Variants in TTLL5 observed in about 807,000 individuals in gnomAD.
The protein encoded by TTLL5 is tubulin polyglutamylase TTLL5.
A neutral mutation model predicts 168.4 loss-of-function variants in TTLL5; 132 were observed. The observed-to-expected ratio is 0.78, with a 90% CI of 0.68 to 0.91. TTLL5 has a LOEUF of 0.91. TTLL5 is among the 40% of genes least tolerant of loss of function. The pLI is 0.00. For synonymous variants in TTLL5, 546 were observed against 558.6 expected (o/e 0.98, Z 0.32); for missense variants, 1,545 against 1,581.5 (o/e 0.98, Z 0.39).
In TTLL5 at chr14:75,954,748, C is replaced by A. The variant is rs945971273; in HGVS notation, c.*302C>A. ...TCTTTTACCTTCCCTTTGCCCCATG[C>A]CCCCAAACTGCTTAGGTCTTCTCTG... On this transcript the variant is annotated 3_prime_UTR_variant, in exon 32 of 32. Transcript: ENST00000298832. 2 of 431,998 alleles carry A rather than the reference C, an allele frequency of 4.6e-6. No individual in the cohort carries two copies. The highest frequency in any genetic ancestry group is 7.1e-5 in the Admixed American group (2 of 28,034). 26.8% of individuals were successfully genotyped at this position (431,998 alleles called of 1,614,324 possible). A position where few individuals can be genotyped will look rare whatever the true frequency, so the allele number is the denominator to read the frequency against.
chr14:75,947,080 T>G (rs1238496441), intron 31 of TTLL5, among the ~76,000 whole-genome samples: 1 of 152,018 alleles, frequency 6.6e-6, no homozygotes, highest in Non-Finnish European at 1.5e-5. Context: ...GTCTTCTGAG[T>G]GTAGTGGTAG....
intron 5 of TTLL5, chr14:75,684,717 G>T (rs1884904546): frequency 6.6e-6 from 1 of 152,206 alleles, no homozygotes; most frequent in South Asian, 2.1e-4. Context: ...TTGCTGTACA[G>T]AAGGTATGAT....
At chr14:75,925,976 T>C (rs1047854811) in intron 31 of TTLL5, among the ~76,000 whole-genome samples, 3 of 150,782 alleles carry the variant, frequency 2.0e-5, no homozygotes, top group Non-Finnish European at 2.9e-5. Context: ...GGCAGGGAGG[T>C]TGCAGTGAGC....
At chr14:75,729,293 G>A (rs574185526) in intron 12 of TTLL5, among the ~76,000 whole-genome samples, 1 of 152,112 alleles carries the variant, frequency 6.6e-6, no homozygotes. Context: ...AGGAAAGTTG[G>A]TGTATCTCAT....
At chr14:75,824,531 TAGAA>T (rs1895012289) in intron 28 of TTLL5, among the ~76,000 whole-genome samples, 1 of 151,528 alleles carries the variant, frequency 6.6e-6, no homozygotes, top group Non-Finnish European at 1.5e-5. Context: ...GTCAAAATCA[TAGAA>T]ACAGAAAGTA....
chr14:75,929,357 T>C (rs1201660836), intron 31 of TTLL5, among the ~76,000 whole-genome samples: 1 of 152,038 alleles, frequency 6.6e-6, no homozygotes, highest in Non-Finnish European at 1.5e-5. Flanking sequence ...GTCAAATAAG[T>C]TTGACAAATG....
chr14:75,740,640 C>T (rs938215266), intron 15 of TTLL5, among the ~76,000 whole-genome samples: 5 of 152,118 alleles, frequency 3.3e-5, no homozygotes, highest in African/African-American at 9.7e-5. Flanking sequence ...TCAAAGTATA[C>T]CCTGATTATC....
intron 27 of TTLL5, among the ~76,000 whole-genome samples, chr14:75,808,271 A>G (rs1428769022): frequency 6.6e-6 from 1 of 152,218 alleles, no homozygotes; most frequent in African/African-American, 2.4e-5. Context: ...AAGAGAAGAT[A>G]TGCCAAGAGA....
intron 15 of TTLL5, among the ~76,000 whole-genome samples, chr14:75,744,141 CA>C (rs954045484): frequency 3.3e-5 from 5 of 152,182 alleles, no homozygotes; most frequent in African/African-American, 1.2e-4. Flanking sequence ...TACCTCGTGA[CA>C]ATGGGGCTGC....
Position 75,745,144 on chromosome 14 carries a change from G to T in TTLL5, c.1331G>T (p.Gly444Val). The T allele has an allele frequency of 6.2e-7, 1 of 1,613,962 alleles. No homozygotes were observed. Among genetic ancestry groups the T allele is most frequent in the South Asian group, 1.1e-5 (1 of 91,076 alleles). ...ASDAEMKNLVGSAREKGPGKL... is the reference protein window; with the variant it reads ...ASDAEMKNLVVSAREKGPGKL... ...GATGCGGAAATGAAAAACCTCGTGG[G>T]CTCAGCCCGGGAGAAAGGGCCAGGG... The change falls in exon 16 of 32, where the codon GGC becomes GTC. Residue 444 changes from glycine (G) to valine (V), a missense_variant. By Grantham distance (109) the Gly-to-Val change is moderately radical. Coordinates refer to ENST00000298832, the MANE Select transcript of TTLL5 (RefSeq NM_015072.5).
intron 12 of TTLL5, among the ~76,000 whole-genome samples, chr14:75,721,952 A>C (rs1029886153): frequency 6.6e-6 from 1 of 152,210 alleles, no homozygotes; most frequent in African/African-American, 2.4e-5. Context: ...TTTAAAATAC[A>C]TATCTGATCA....
At chr14:75,781,359 C>G (rs1892038877) in intron 24 of TTLL5, among the ~76,000 whole-genome samples, 1 of 152,148 alleles carries the variant, frequency 6.6e-6, no homozygotes, top group Non-Finnish European at 1.5e-5. Context: ...AGTATAGTAT[C>G]TGGAGTCATT....
Position 75,863,763 on chromosome 14 carries a change from C to A in TTLL5, c.3423C>A (p.Pro1141=). ...TGVVPQHKYH[P]TAGSYQLQFA... is the part of the protein sequence containing the mutation. ...TGGTCCCCCAGCACAAGTATCACCC[C>A]ACAGCAGGCAGCTATCAGCTTCAAT... Residue 1141 remains proline, a synonymous_variant, in exon 29 of 32, where the codon CCC becomes CCA. Transcript: ENST00000298832. 1 of 1,613,738 alleles carries A rather than the reference C, an allele frequency of 6.2e-7. No homozygotes were observed. Among genetic ancestry groups the A allele is most frequent in the Non-Finnish European group, 8.5e-7 (1 of 1,179,906 alleles).
At chr14:75,695,885 CT>C (rs1885815493) in intron 6 of TTLL5, among the ~76,000 whole-genome samples, 1 of 138,832 alleles carries the variant, frequency 7.2e-6, no homozygotes, top group South Asian at 2.5e-4. Context: ...CTTCCCTCCC[CT>C]CTCCTTCCTT....
intron 7 of TTLL5, among the ~76,000 whole-genome samples, chr14:75,700,197 C>CT (rs1205541157): frequency 1.3e-5 from 2 of 152,076 alleles, no homozygotes; most frequent in Non-Finnish European, 2.9e-5. Flanking sequence ...CATGAGAGGG[C>CT]CCCCGCTACC....
At chr14:75,948,288 C>T (rs958223882) in intron 31 of TTLL5, among the ~76,000 whole-genome samples, 1 of 152,078 alleles carries the variant, frequency 6.6e-6, no homozygotes, top group Non-Finnish European at 1.5e-5. Flanking sequence ...AGTTCGAGAC[C>T]AGCCTGGCCA....
At chr14:75,842,022 A>T (rs1896287902) in intron 28 of TTLL5, among the ~76,000 whole-genome samples, 1 of 152,178 alleles carries the variant, frequency 6.6e-6, no homozygotes, top group Non-Finnish European at 1.5e-5. Context: ...CCATCCTTCT[A>T]TTAAGAAGCA....
intron 12 of TTLL5, among the ~76,000 whole-genome samples, chr14:75,723,417 A>G (rs1368565026): frequency 6.6e-6 from 1 of 152,182 alleles, no homozygotes; most frequent in African/African-American, 2.4e-5. Flanking sequence ...GACTGTTTGA[A>G]GATGGGGATG....
intron 31 of TTLL5, among the ~76,000 whole-genome samples, chr14:75,942,024 C>T (rs1448403322): frequency 6.6e-6 from 1 of 150,764 alleles, no homozygotes; most frequent in Non-Finnish European, 1.5e-5. Flanking sequence ...ACTAAAAATA[C>T]AAAAAAACTA....
Sources: gnomAD v4.1 joint callset for allele counts (sites outside exome capture counted in the v4.1 genomes callset) on GRCh38, gnomAD v4.1.1 for gene constraint, MANE v1.5 for transcripts, NCBI Gene and HGNC (gene_info 2026-07-23, HGNC 2026-07-21) for gene names.